Variants in CSMD1 observed in about 807,000 individuals in gnomAD.
CSMD1 encodes CUB and sushi domain-containing protein 1.
CSMD1 carries 213 observed loss-of-function variants against 417.5 expected under a neutral mutation model. The ratio of observed to expected loss-of-function variants is 0.51; its 90% CI spans 0.46 to 0.57. The LOEUF (loss-of-function observed/expected upper bound fraction) is 0.57. CSMD1 is among the 20% of genes least tolerant of loss of function. CSMD1 has a pLI of 0.00. For missense variants in CSMD1, 6,923 were observed against 4,529.7 expected (o/e 1.53, Z -15.17); for synonymous variants, 2,862 against 1,736.8 (o/e 1.65, Z -16.11).
intron 5 of CSMD1, among the ~76,000 whole-genome samples, chr8:3,800,672 T>A (rs1017530797): frequency 6.6e-6 from 1 of 152,190 alleles, no homozygotes; most frequent in Non-Finnish European, 1.5e-5. Context: ...GGCTTGGTGA[T>A]ATTCTCGTGG....
chr8:3,596,105 G>C (rs1436284787), intron 8 of CSMD1, among the ~76,000 whole-genome samples: 3 of 152,176 alleles, frequency 2.0e-5, no homozygotes, highest in Non-Finnish European at 4.4e-5. Context: ...AAGGCGTTTT[G>C]CGGATCATGC....
chr8:4,070,411 G>A (rs553994752), intron 3 of CSMD1, among the ~76,000 whole-genome samples: 1 of 152,134 alleles, frequency 6.6e-6, no homozygotes, highest in Non-Finnish European at 1.5e-5. Context: ...AGGCTGGAGT[G>A]CAGTGGTGGG....
At chr8:3,240,506 G>T (rs956584112) in intron 26 of CSMD1, among the ~76,000 whole-genome samples, 1 of 152,012 alleles carries the variant, frequency 6.6e-6, no homozygotes, top group Non-Finnish European at 1.5e-5. Flanking sequence ...GTTTTTATGA[G>T]AATTACGCCG....
At chr8:4,583,368 T>A (rs2725034) in intron 2 of CSMD1, among the ~76,000 whole-genome samples, 2 of 151,906 alleles carry the variant, frequency 1.3e-5, no homozygotes, top group South Asian at 4.2e-4. Flanking sequence ...GCATTCTGTA[T>A]CTAGCTCAAG....
At chr8:3,696,261 C>T (rs1800546177) in intron 7 of CSMD1, among the ~76,000 whole-genome samples, 1 of 152,172 alleles carries the variant, frequency 6.6e-6, no homozygotes, top group Non-Finnish European at 1.5e-5. Flanking sequence ...GCTCTTCCTG[C>T]AAGTATTCTA....
intron 1 of CSMD1, among the ~76,000 whole-genome samples, chr8:4,978,421 T>C (rs181297946): frequency 3.3e-5 from 5 of 152,302 alleles, no homozygotes; most frequent in Non-Finnish European, 5.9e-5. Flanking sequence ...GTGGAGGGTA[T>C]GTTTAAGTCA....
At chr8:4,280,074 G>A (rs977164242) in intron 3 of CSMD1, among the ~76,000 whole-genome samples, 12 of 152,186 alleles carry the variant, frequency 7.9e-5, no homozygotes, top group South Asian at 2.1e-4. Context: ...TAACTAACGC[G>A]TTGAAAATAA....
At chr8:3,667,665 G>T (rs898832077) in intron 7 of CSMD1, among the ~76,000 whole-genome samples, 2 of 152,170 alleles carry the variant, frequency 1.3e-5, no homozygotes, top group African/African-American at 2.4e-5. Flanking sequence ...TTGGGGTGAA[G>T]AGCAGTTGTC....
chr8:4,119,015 C>G (rs549626430), intron 3 of CSMD1, among the ~76,000 whole-genome samples: 6 of 152,162 alleles, frequency 3.9e-5, no homozygotes, highest in East Asian at 1.9e-4. Flanking sequence ...ACCACATGTT[C>G]TCACTCATAA....
intron 1 of CSMD1, among the ~76,000 whole-genome samples, chr8:4,697,942 T>A (rs1807243213): frequency 6.6e-6 from 1 of 152,182 alleles, no homozygotes; most frequent in Non-Finnish European, 1.5e-5. Flanking sequence ...ACATTGGTCC[T>A]GTCAAGACAA....
intron 1 of CSMD1, among the ~76,000 whole-genome samples, chr8:4,770,569 A>G (rs1423853276): frequency 6.6e-6 from 1 of 151,990 alleles, no homozygotes; most frequent in Admixed American, 6.6e-5. Flanking sequence ...AAATTATAGT[A>G]CAAAGTTATA....
intron 3 of CSMD1, among the ~76,000 whole-genome samples, chr8:4,131,955 C>A (rs769813481): frequency 1.1e-4 from 17 of 151,512 alleles, no homozygotes; most frequent in Non-Finnish European, 2.1e-4. Context: ...TAGTAGAGAC[C>A]GGCTTTCACC....
At position 4,222,467 on chromosome 8, in the gene CSMD1, T is replaced by C. The variant is rs1801097005; in HGVS notation, c.416-190368A>G. Among the ~76,000 whole-genome samples the C allele has an allele frequency of 2.6e-5, 4 of 152,310 alleles. No homozygotes were observed. In the South Asian group the frequency reaches 6.2e-4, roughly 24 times the overall value. On this transcript the variant is annotated intron_variant, in intron 3 of 69. Coordinates refer to ENST00000635120, the MANE Select transcript of CSMD1 (RefSeq NM_033225.6). ...GCATTGTGTAGTACCTGGTCCGTCA[T>C]ATGTTCTCAGTAAGTCAGTCAATAA...
chr8:4,449,957 C>A (rs951038120), intron 2 of CSMD1, among the ~76,000 whole-genome samples: 2 of 152,174 alleles, frequency 1.3e-5, no homozygotes, highest in Non-Finnish European at 2.9e-5. Context: ...TGCTCTTTTT[C>A]TTGTTTTTCC....
intron 2 of CSMD1, among the ~76,000 whole-genome samples, chr8:4,629,731 A>G (rs2130838400): frequency 6.6e-6 from 1 of 152,284 alleles, no homozygotes. Flanking sequence ...TTTTGCTACA[A>G]ACAGCAAAGA....
chr8:3,812,897 C>T (rs148099250), intron 5 of CSMD1, among the ~76,000 whole-genome samples: 13 of 152,260 alleles, frequency 8.5e-5, no homozygotes, highest in Non-Finnish European at 1.2e-4. Context: ...CCAGCTCTTT[C>T]GTGGCTGTGA....
chr8:4,279,027 T>C (rs1796637922), intron 3 of CSMD1, among the ~76,000 whole-genome samples: 1 of 152,212 alleles, frequency 6.6e-6, no homozygotes, highest in Non-Finnish European at 1.5e-5. Flanking sequence ...AGTTGAGCTA[T>C]GGACACATTA....
chr8:3,493,338 A>C (rs1796215659), intron 11 of CSMD1, among the ~76,000 whole-genome samples: 1 of 151,984 alleles, frequency 6.6e-6, no homozygotes, highest in Non-Finnish European at 1.5e-5. Context: ...TTGATTTGAA[A>C]AATTTATTGT....
intron 6 of CSMD1, among the ~76,000 whole-genome samples, chr8:3,740,503 G>T (rs1188542767): frequency 6.6e-6 from 1 of 152,188 alleles, no homozygotes; most frequent in African/African-American, 2.4e-5. Flanking sequence ...ATACTCAGAG[G>T]AGGGTTCACC....
Sources: gnomAD v4.1 joint callset for allele counts (sites outside exome capture counted in the v4.1 genomes callset) on GRCh38, gnomAD v4.1.1 for gene constraint, MANE v1.5 for transcripts, NCBI Gene and HGNC (gene_info 2026-07-23, HGNC 2026-07-21) for gene names.